The following TAFA1 variants were observed in gnomAD, a reference collection of about 807,000 sequenced individuals.
TAFA1 encodes the protein chemokine-like protein TAFA-1.
In TAFA1, 4 loss-of-function variants were observed where a neutral mutation model predicts 18.5. The ratio of observed to expected loss-of-function variants is 0.22; its 90% confidence interval spans 0.11 to 0.49. TAFA1 has a LOEUF of 0.49. TAFA1 is among the 20% of genes least tolerant of loss of function. TAFA1 has a pLI of 0.98. For synonymous variants in TAFA1, 56 were observed against 55.2 expected, an observed-to-expected ratio of 1.01 and a Z score of -0.06; for missense variants, 147 against 169.0, an observed-to-expected ratio of 0.87 and a Z score of 0.72.
chr3:68,441,085 A>T (rs2106867966), intron 3 of TAFA1, among the ~76,000 whole-genome samples: 1 of 152,188 alleles, frequency 6.6e-6, no homozygotes, highest in South Asian at 2.1e-4. Flanking sequence ...GCATTTGGCC[A>T]CCCCTACAAC....
intron 2 of TAFA1, among the ~76,000 whole-genome samples, chr3:68,193,287 G>T (rs1221443053): frequency 6.6e-6 from 1 of 151,716 alleles, no homozygotes; most frequent in Non-Finnish European, 1.5e-5. Context: ...TTCAAACATG[G>T]ATTATTTTGT....
intron 2 of TAFA1, among the ~76,000 whole-genome samples, chr3:68,163,072 C>G (rs780827174): frequency 4.6e-5 from 7 of 152,170 alleles, no homozygotes; most frequent in Non-Finnish European, 8.8e-5. Context: ...GACTAGAGAA[C>G]AAATAAAGCT....
chr3:68,002,728 A>G (rs570280739), upstream of TAFA1, among the ~76,000 whole-genome samples: 3 of 152,128 alleles, frequency 2.0e-5, no homozygotes, highest in Non-Finnish European at 4.4e-5. Flanking sequence ...TGTACTCTTG[A>G]GCCAAATCAT....
At chr3:68,222,889 T>C (rs1346938889) in intron 2 of TAFA1, among the ~76,000 whole-genome samples, 1 of 152,088 alleles carries the variant, frequency 6.6e-6, no homozygotes, top group African/African-American at 2.4e-5. Context: ...GCCAGGCTGG[T>C]CTCGAACTCC....
At chr3:68,453,465 G>T (rs2071601381) in intron 3 of TAFA1, among the ~76,000 whole-genome samples, 1 of 152,192 alleles carries the variant, frequency 6.6e-6, no homozygotes, top group Non-Finnish European at 1.5e-5. Context: ...AAATGAGGAG[G>T]ATGGCATATA....
At chr3:68,142,307 G>C (rs891566722) in intron 2 of TAFA1, among the ~76,000 whole-genome samples, 2 of 152,214 alleles carry the variant, frequency 1.3e-5, no homozygotes, top group Non-Finnish European at 2.9e-5. Context: ...AGATCACACA[G>C]TTAGTAGCTG....
At chr3:68,008,000 G>A (rs1027936570) in intron 2 of TAFA1, among the ~76,000 whole-genome samples, 7 of 152,242 alleles carry the variant, frequency 4.6e-5, no homozygotes, top group African/African-American at 1.7e-4. Flanking sequence ...CAAGCCTGCT[G>A]GGTGCTGGAG....
chr3:68,019,819 C>T (rs1398764012), intron 2 of TAFA1, among the ~76,000 whole-genome samples: 1 of 152,060 alleles, frequency 6.6e-6, no homozygotes, highest in Non-Finnish European at 1.5e-5. Context: ...AAAGATAGCC[C>T]CCCGGCCAGT....
intron 2 of TAFA1, among the ~76,000 whole-genome samples, chr3:68,290,004 T>C (rs1411391709): frequency 4.6e-5 from 7 of 152,212 alleles, no homozygotes; most frequent in African/African-American, 9.6e-5. Context: ...AATTAAGATT[T>C]TTATCCATTA....
intron 2 of TAFA1, among the ~76,000 whole-genome samples, chr3:68,089,497 G>T (rs991264007): frequency 6.6e-6 from 1 of 152,160 alleles, no homozygotes; most frequent in African/African-American, 2.4e-5. Flanking sequence ...AGACAGAAAA[G>T]AAGTTTATCT....
intron 2 of TAFA1, among the ~76,000 whole-genome samples, chr3:68,060,355 A>G (rs2064587162): frequency 6.6e-6 from 1 of 152,160 alleles, no homozygotes; most frequent in African/African-American, 2.4e-5. Flanking sequence ...CTTCAATTAC[A>G]TGGTTTCCAT....
At chr3:68,080,169 G>T (rs1463917000) in intron 2 of TAFA1, among the ~76,000 whole-genome samples, 1 of 152,098 alleles carries the variant, frequency 6.6e-6, no homozygotes, top group Non-Finnish European at 1.5e-5. Flanking sequence ...TTGCTTGGTA[G>T]ATCTTCCTCC....
chr3:68,373,015 G>C (rs1049192138), intron 2 of TAFA1, among the ~76,000 whole-genome samples: 2 of 152,142 alleles, frequency 1.3e-5, no homozygotes, highest in Admixed American at 1.3e-4. Context: ...CAAGAAATTT[G>C]ATCATCCATT....
intron 2 of TAFA1, among the ~76,000 whole-genome samples, chr3:68,347,677 A>G (rs891578915): frequency 5.3e-5 from 8 of 152,236 alleles, no homozygotes; most frequent in African/African-American, 1.9e-4. Flanking sequence ...CATTTGGCCC[A>G]TAGGGCCACT....
intron 2 of TAFA1, among the ~76,000 whole-genome samples, chr3:68,114,562 G>A (rs961235898): frequency 6.6e-6 from 1 of 152,134 alleles, no homozygotes; most frequent in Non-Finnish European, 1.5e-5. Context: ...TAAAATTAAA[G>A]CCTAACAATA....
chr3:68,518,859 T>C (rs982545349), intron 3 of TAFA1, among the ~76,000 whole-genome samples: 1 of 152,216 alleles, frequency 6.6e-6, no homozygotes, highest in Non-Finnish European at 1.5e-5. Flanking sequence ...AAATGTCAGA[T>C]GAGTACAACA....
At chr3:68,186,337 C>T (rs1432426843) in intron 2 of TAFA1, among the ~76,000 whole-genome samples, 1 of 151,990 alleles carries the variant, frequency 6.6e-6, no homozygotes, top group Non-Finnish European at 1.5e-5. Context: ...CCCAGAACAG[C>T]CTGAAACCAG....
chr3:68,521,735 C>T (rs944445712), intron 3 of TAFA1, among the ~76,000 whole-genome samples: 2 of 150,122 alleles, frequency 1.3e-5, no homozygotes, highest in Admixed American at 6.7e-5. Context: ...AACAATGACA[C>T]AGAACTCATA....
At chr3:68,049,164 C>A (rs749334836) in intron 2 of TAFA1, among the ~76,000 whole-genome samples, 1 of 152,150 alleles carries the variant, frequency 6.6e-6, no homozygotes, top group Admixed American at 6.6e-5. Flanking sequence ...GGCTTAATTA[C>A]TCATTTTCTC....
Sources: allele counts gnomAD v4.1 joint callset (sites outside exome capture counted in the v4.1 genomes callset), GRCh38; gene constraint gnomAD v4.1.1; transcripts MANE v1.5; gene names NCBI Gene and HGNC (gene_info 2026-07-23, HGNC 2026-07-21).